The following SLITRK4 variants were observed in gnomAD, a reference collection of about 807,000 sequenced individuals.
SLITRK4 encodes the protein SLIT and NTRK like family member 4, also known as SLIT and NTRK-like protein 4.
A neutral mutation model predicts 34.7 loss-of-function variants in SLITRK4; 7 were observed. That is an observed-to-expected ratio of 0.20 (90% confidence interval 0.11 to 0.38). The LOEUF is 0.38. Among genes scored for constraint, SLITRK4 ranks in the 10% least tolerant of loss-of-function variants. The probability of loss-of-function intolerance (pLI) is 1.00; values close to 1 mark genes in which losing one functional copy is unlikely to be tolerated. For synonymous variants in SLITRK4, 237 were observed against 246.2 expected (o/e 0.96, Z 0.35); for missense variants, 474 against 607.0 (o/e 0.78, Z 2.30).
Position 143,628,904 on chromosome X carries a change from A to T in SLITRK4, c.2205T>A (p.Asp735Glu), listed in dbSNP as rs1556426095. The T allele has an allele frequency of 1.7e-6, 2 of 1,210,146 alleles. No homozygotes were observed. Among genetic ancestry groups the T allele is most frequent in the Non-Finnish European group, 2.2e-6 (2 of 895,106 alleles). The change falls in exon 2 of 2, where the codon GAT becomes GAA. Residue 735 changes from aspartate to glutamate, a missense_variant. Asp to Glu is a conservative substitution (Grantham distance 45, BLOSUM62 2). This residue lies in a region of SLITRK4 where 345 missense variants were observed against 406.5 expected (regional missense o/e 0.85). Transcript: ENST00000356928. ...ADKEKDLLHV[D>E]TRKRLSTIDE... The stretch of plus-strand genomic sequence containing the variant: ...CAATTGTGCTCAGTCTCTTCCTGGT[A>T]TCTACATGTAATAAATCTTTCTCCT...
Position 143,629,792 on chromosome X carries a change from T to C in SLITRK4, c.1317A>G (p.Arg439=). 8.3e-7 allele frequency: 1 copy of C among 1,208,742 alleles called. No homozygotes were observed. The highest frequency in any genetic ancestry group is 1.1e-6 in the Non-Finnish European group (1 of 893,292). Residue 439 remains arginine, a synonymous_variant, in exon 2 of 2, where the codon AGA becomes AGG. Coordinates refer to ENST00000356928, the MANE Select transcript of SLITRK4 (RefSeq NM_001184749.3). ...GACCTGAAAATATTTCAGGATAGAG[T>C]CTCTCAATTTGATTGCCATTGAGAT... ...RLYLNGNQIE[R]LYPEIFSGLH...
rs1556425986 is a variant in SLITRK4, at chrX:143,628,637, G to A, written c.2472C>T (p.Tyr824=). Residue 824 remains tyrosine (Y), a synonymous_variant, in exon 2 of 2, where the codon TAC becomes TAT. Coordinates refer to ENST00000356928, the MANE Select transcript of SLITRK4 (RefSeq NM_001184749.3). ...CTGTTTGCTCCTCAAGGACCTGTAGGTAGTCAGGGGAACTCTGCAGTTTCG... is the reference window on the plus strand; with the variant it reads ...CTGTTTGCTCCTCAAGGACCTGTAGATAGTCAGGGGAACTCTGCAGTTTCG... ...LKAKLQSSPD[Y]LQVLEEQTAL... 3.3e-6 allele frequency: 4 copies of A among 1,206,682 alleles called. No homozygotes were observed. Among genetic ancestry groups the A allele is most frequent in the Non-Finnish European group, 4.5e-6 (4 of 893,472 alleles).
rs1930810689 is a variant in SLITRK4 at position 143,626,908 on chromosome X, A to C, written c.*1687T>G. 9.4e-6 allele frequency: 1 copy of C among 106,672 alleles called. No individual in the cohort carries two copies. Among genetic ancestry groups the C allele is most frequent in the Middle Eastern group, 4.8e-3 (1 of 209 alleles). The allele number at this position is 106,672 out of a possible 1,213,427, so 8.8% of individuals were successfully genotyped here. A position where few individuals can be genotyped will look rare whatever the true frequency, so the allele number is the denominator to read the frequency against. The stretch of plus-strand genomic sequence containing the variant: ...CACACATATATATATATGTATATCT[A>C]TATATATCTATATATCTATATATAT... On this transcript the variant is annotated 3_prime_UTR_variant, in exon 2 of 2. Transcript: ENST00000356928.
Position 143,628,739 on chromosome X carries a change from A to C in SLITRK4, c.2370T>G (p.Ser790Arg). 8.3e-7 allele frequency: 1 copy of C among 1,211,090 alleles called. No homozygotes were observed. The highest frequency in any genetic ancestry group is 1.1e-6 in the Non-Finnish European group (1 of 895,383). Residue 790 changes from serine to arginine, a missense_variant, in exon 2 of 2, where the codon AGT (serine) becomes AGG (arginine). By Grantham distance (110) the Ser-to-Arg change is moderately radical. Coordinates refer to ENST00000356928, the MANE Select transcript of SLITRK4 (RefSeq NM_001184749.3). ...GGTTGCCACCTATCAGTGACTTCTTACTTTTTTTGTCTGGTTGTTTTTCTG... is the reference window on the plus strand; with the variant it reads ...GGTTGCCACCTATCAGTGACTTCTTCCTTTTTTTGTCTGGTTGTTTTTCTG... Reference protein sequence around the residue: ...RYPEKQPDKKSKKSLIGGNHS... With the variant: ...RYPEKQPDKKRKKSLIGGNHS...
rs782354899 is a variant in SLITRK4 at position 143,628,841 on chromosome X, AT to A, written c.2267del (p.Asn756MetfsTer17). 8.3e-7 allele frequency: 1 copy of A among 1,209,643 alleles called. No individual in the cohort carries two copies. Among genetic ancestry groups the A allele is most frequent in the African/African-American group, 1.7e-5 (1 of 57,297 alleles). On this transcript the variant is annotated frameshift_variant, in exon 2 of 2. Transcript: ENST00000356928. LOFTEE classifies it high-confidence loss of function. ...LDELFPSRDS[N>X]VFIQNFLESK... ...TTTCAAGAAAATTCTGAATAAACACATTGGAATCCCTGCTAGGGAATAATTC... is the reference window on the plus strand; with the variant it reads ...TTTCAAGAAAATTCTGAATAAACACATGGAATCCCTGCTAGGGAATAATTC...
rs937392296 is a variant in SLITRK4 at position 143,635,862 on chromosome X, T to A, written c.-178A>T. ...CAGTAGTATTCGCACTCCCCCTACC[T>A]GTCTGCGCGTAAGGGGCCAGGGGCT... On this transcript the variant is annotated 5_prime_UTR_variant, in exon 1 of 2. Coordinates refer to ENST00000356928, the MANE Select transcript of SLITRK4 (RefSeq NM_001184749.3). 1.8e-5 allele frequency: 2 copies of A among 110,298 alleles called. No homozygotes were observed. Among genetic ancestry groups the A allele is most frequent in the African/African-American group, 3.3e-5 (1 of 30,281 alleles). The allele number at this position is 110,298 out of a possible 1,213,427, so 9.1% of individuals were successfully genotyped here.
chrX:143,631,276 T>C (rs1438245718), intron 1 of SLITRK4, 118 bp from the exon 2 acceptor site: 6 of 406,105 alleles, frequency 1.5e-5, no homozygotes, highest in Non-Finnish European at 2.5e-5. Context: ...TGTAAGGCAA[T>C]CAAACCTCCA....
rs1354477900 is a variant in SLITRK4, at chrX:143,629,356, T to G, written c.1753A>C (p.Asn585His). Residue 585 changes from asparagine (N) to histidine (H), a missense_variant, in exon 2 of 2, where the codon AAT (asparagine) becomes CAT (histidine). Around this residue, in one of 3 missense-constraint regions of SLITRK4, gnomAD observed 345 missense variants for 406.5 expected, o/e 0.85. Coordinates refer to ENST00000356928, the MANE Select transcript of SLITRK4 (RefSeq NM_001184749.3). ...CTTGTGAATGGTGCAGACGGCTTAT[T>G]TAAAAGTTTGGGACATAAGATTTCA... ...KNEILCPKLL[N>H]KPSAPFTSPA... 1.7e-6 allele frequency: 2 copies of G among 1,209,966 alleles called. No homozygotes were observed. The highest frequency in any genetic ancestry group is 2.2e-6 in the Non-Finnish European group (2 of 895,303).
rs1054302396 is a variant in SLITRK4 at position 143,626,638 on chromosome X, T to C, written c.*1957A>G. ...TAGTGATTAATAAAGGAACAGCTAC[T>C]GCAACTATAAACATAGTATCATTTT... On this transcript the variant is annotated 3_prime_UTR_variant, in exon 2 of 2. Coordinates refer to ENST00000356928, the MANE Select transcript of SLITRK4 (RefSeq NM_001184749.3). 8.3e-5 allele frequency: 9 copies of C among 108,582 alleles called. No individual in the cohort carries two copies. The highest frequency in any genetic ancestry group is 7.0e-4 in the Admixed American group (7 of 9,995). 8.9% of individuals were successfully genotyped at this position (108,582 alleles called of 1,213,427 possible).
rs1243459466 is a variant in SLITRK4, at chrX:143,626,771, ACACT to A, written c.*1820_*1823del. 1 of 107,678 alleles carries A rather than the reference ACACT, an allele frequency of 9.3e-6. No individual in the cohort carries two copies. Among genetic ancestry groups the A allele is most frequent in the Admixed American group, 1.0e-4 (1 of 9,771 alleles). The allele number at this position is 107,678 out of a possible 1,213,427, so 8.9% of individuals were successfully genotyped here. A position where few individuals can be genotyped will look rare whatever the true frequency, so the allele number is the denominator to read the frequency against. On this transcript the variant is annotated 3_prime_UTR_variant, in exon 2 of 2. Coordinates refer to ENST00000356928, the MANE Select transcript of SLITRK4 (RefSeq NM_001184749.3). ...AAGGTAATTATAAGAGATAGGACAC[ACACT>A]CTCACACATGCACACACACACACTA...
In SLITRK4 at chrX:143,632,763, C is replaced by G. The variant is rs1931082290; in HGVS notation, c.-50-1605G>C. ...GGCTGCCATATAGACGTGCATTTCCCCTATTCACCATGAGAGCATGATTGG... is the reference window on the plus strand; with the variant it reads ...GGCTGCCATATAGACGTGCATTTCCGCTATTCACCATGAGAGCATGATTGG... On this transcript the variant is annotated intron_variant, in intron 1 of 1. Transcript: ENST00000356928. 2.7e-5 allele frequency among the ~76,000 whole-genome samples: 3 copies of G among 111,617 alleles called. No individual in the cohort carries two copies. In the Admixed American group the frequency reaches 2.9e-4, roughly 11 times the overall value.
At chrX:143,634,476 G>C (rs1034010181) in intron 1 of SLITRK4, 2 of 109,399 alleles carry the variant, frequency 1.8e-5, no homozygotes, top group Non-Finnish European at 3.8e-5. Flanking sequence ...CCAGCGGCCC[G>C]ACAGCCGGAG....
chrX:143,633,784 G>A (rs919614537), intron 1 of SLITRK4, among the ~76,000 whole-genome samples: 1 of 111,712 alleles, frequency 9.0e-6, no homozygotes, highest in Admixed American at 9.3e-5. Flanking sequence ...ATTGCCGCCC[G>A]GGTGCGCTAC....
rs1176758241 is a variant in SLITRK4, at chrX:143,626,973, T to C, written c.*1622A>G. The C allele has an allele frequency of 9.3e-6, 1 of 108,108 alleles. No individual in the cohort carries two copies. The highest frequency in any genetic ancestry group is 2.9e-4 in the East Asian group (1 of 3,504). The allele number at this position is 108,108 out of a possible 1,213,427, so 8.9% of individuals were successfully genotyped here. A position where few individuals can be genotyped will look rare whatever the true frequency, so the allele number is the denominator to read the frequency against. ...CAAGAAGACAATGTGTTTCTGAATA[T>C]CACTTTGTTAATCGGGAGCTCCTAC... On this transcript the variant is annotated 3_prime_UTR_variant, in exon 2 of 2. Coordinates refer to ENST00000356928, the MANE Select transcript of SLITRK4 (RefSeq NM_001184749.3).
chrX:143,629,839 G>T lies in SLITRK4; in HGVS notation c.1270C>A (p.Leu424Ile). Reference protein sequence around the residue: ...TVIKGDVFHNLTNLRRLYLNG... With the variant: ...TVIKGDVFHNITNLRRLYLNG... ...AGATATAGCCTGCGTAAATTAGTGA[G>T]ATTGTGAAATACGTCTCCCTTAATC... Residue 424 changes from leucine to isoleucine, a missense_variant, in exon 2 of 2, where the codon CTC becomes ATC. Leu to Ile is a conservative substitution (Grantham distance 5). This residue lies in a region of SLITRK4 where 345 missense variants were observed against 406.5 expected (regional missense o/e 0.85). Coordinates refer to ENST00000356928, the MANE Select transcript of SLITRK4 (RefSeq NM_001184749.3). 1 of 1,210,360 alleles carries T rather than the reference G, an allele frequency of 8.3e-7. No homozygotes were observed. The highest frequency in any genetic ancestry group is 1.1e-6 in the Non-Finnish European group (1 of 894,380).
intron 1 of SLITRK4, among the ~76,000 whole-genome samples, chrX:143,635,381 C>A (rs1334561633): frequency 9.6e-6 from 1 of 103,885 alleles, no homozygotes; most frequent in Non-Finnish European, 2.0e-5. Flanking sequence ...GGCGTGGAGA[C>A]CCCAGTCCTC....
intron 1 of SLITRK4, among the ~76,000 whole-genome samples, chrX:143,633,637 C>G (rs1484491282): frequency 9.0e-6 from 1 of 111,196 alleles, no homozygotes; most frequent in African/African-American, 3.3e-5. Flanking sequence ...AGGAGAGAAG[C>G]GGCCTGAGGG....
Position 143,624,630 on chromosome X carries a change from G to A in SLITRK4, c.*3965C>T, listed in dbSNP as rs1371541107. 7 of 111,387 alleles carry A rather than the reference G, an allele frequency of 6.3e-5. No homozygotes were observed. Among genetic ancestry groups the A allele is most frequent in the African/African-American group, 2.3e-4 (7 of 30,788 alleles). The allele number at this position is 111,387 out of a possible 1,213,427, so 9.2% of individuals were successfully genotyped here. On this transcript the variant is annotated 3_prime_UTR_variant, in exon 2 of 2. Transcript: ENST00000356928. Reference sequence around the variant, plus strand: ...TCTTACCCTCAAATCTGGGTGAAATGATCAGTTTGGTTACTGCTTTATATT... The same window carrying A: ...TCTTACCCTCAAATCTGGGTGAAATAATCAGTTTGGTTACTGCTTTATATT...
intron 1 of SLITRK4, 145 bp from the exon 2 acceptor site, chrX:143,631,303 C>T: frequency 5.4e-6 from 2 of 368,601 alleles, no homozygotes; most frequent in Admixed American, 5.2e-5. Context: ...CTCACTCAGT[C>T]GAACAATAAT....
Sources: gnomAD v4.1 joint callset for allele counts (sites outside exome capture counted in the v4.1 genomes callset) on GRCh38, gnomAD v4.1.1 for gene constraint, gnomAD v4.1.1 regional missense constraint, MANE v1.5 for transcripts, NCBI Gene and HGNC (gene_info 2026-07-23, HGNC 2026-07-21) for gene names.